The following ZNF184 variants were observed in gnomAD, a reference collection of about 807,000 sequenced individuals.
ZNF184 encodes the protein zinc finger protein 184 (Kruppel-like).
In ZNF184, 16 loss-of-function variants were observed where a neutral mutation model predicts 54.4. That is an observed-to-expected ratio of 0.29 (90% CI 0.20 to 0.45). The LOEUF (loss-of-function observed/expected upper bound fraction) is 0.45, where lower values mean the gene tolerates loss of function less well. Ranked by LOEUF, ZNF184 falls within the 20% of genes least tolerant of loss-of-function variation. The probability of loss-of-function intolerance (pLI) is 1.00; values close to 1 mark genes in which losing one functional copy is unlikely to be tolerated. For missense variants in ZNF184, 681 were observed against 888.2 expected, an observed-to-expected ratio of 0.77 and a Z score of 2.97; for synonymous variants, 254 against 295.3, an observed-to-expected ratio of 0.86 and a Z score of 1.43.
rs779315009 is a variant in ZNF184 at position 27,453,788 on chromosome 6, C to T, written c.299-528G>A. ...AAATAATTTAGCAGGGAGAAACTAA[C>T]AAGTTCAAGTCTAGGCATTTTGAGA... On this transcript the variant is annotated intron_variant, in intron 5 of 5. Transcript: ENST00000683788. This position sits in a 1 kb window ranked among gnomAD's most constrained non-coding sequence, Gnocchi z 4.7. 6.6e-5 allele frequency among the ~76,000 whole-genome samples: 10 copies of T among 152,122 alleles called. No homozygotes were observed. The highest frequency in any genetic ancestry group is 2.1e-4 in the South Asian group (1 of 4,824).
chr6:27,466,781 A>T lies in ZNF184; in HGVS notation c.75+1072T>A, dbSNP rs111864156. ...TGGAACACGAATTAAGCAGGGGGGAAATTTTAAGAAGGAGGAGGGCTTGAG... is the reference window on the plus strand; with the variant it reads ...TGGAACACGAATTAAGCAGGGGGGATATTTTAAGAAGGAGGAGGGCTTGAG... On this transcript the variant is annotated intron_variant, in intron 3 of 5. Transcript: ENST00000683788. Among the ~76,000 whole-genome samples, 72 of 152,278 alleles carry T rather than the reference A, an allele frequency of 4.7e-4. 1 individual carries two copies. Among genetic ancestry groups the T allele is most frequent in the African/African-American group, 1.6e-3 (65 of 41,554 alleles).
chr6:27,456,150 C>T (rs1052621728), intron 5 of ZNF184, among the ~76,000 whole-genome samples: 2 of 151,570 alleles, frequency 1.3e-5, no homozygotes, highest in Admixed American at 6.6e-5. Context: ...TCCAGCTACT[C>T]GGGAGACTGA....
At chr6:27,437,077 A>G in the ZNF184 span, among the ~76,000 whole-genome samples, 2 of 152,230 alleles carry the variant, frequency 1.3e-5, no homozygotes, top group African/African-American at 4.8e-5. Flanking sequence ...GTCAATACTC[A>G]TAGTCAACTA....
the ZNF184 span, among the ~76,000 whole-genome samples, chr6:27,421,959 T>C: frequency 6.6e-6 from 1 of 151,596 alleles, no homozygotes; most frequent in Middle Eastern, 3.2e-3. Flanking sequence ...TGGTCCCAGC[T>C]ACTCAGGAAG....
intron 5 of ZNF184, 54 bp downstream of exon 5, chr6:27,456,750 TTCAGACATAAAATCCTCTCTTA>T: frequency 1.6e-6 from 2 of 1,271,194 alleles, no homozygotes; most frequent in Non-Finnish European, 2.3e-6. Context: ...ACATCTACAC[TTCAGACATAAAATCCTCTCTTA>T]TCAGGCTGAC....
intron 3 of ZNF184, among the ~76,000 whole-genome samples, chr6:27,465,560 A>C (rs1373328342): frequency 6.6e-6 from 1 of 151,566 alleles, no homozygotes; most frequent in African/African-American, 2.4e-5. Flanking sequence ...AAATATAAAG[A>C]TACAAATAAG....
At chr6:27,441,370 C>T in the ZNF184 span, among the ~76,000 whole-genome samples, 23 of 152,286 alleles carry the variant, frequency 1.5e-4, no homozygotes, top group African/African-American at 4.8e-4. Context: ...CCTATCACCA[C>T]GCCTGGCTAA....
Position 27,472,184 on chromosome 6 carries a change from C to G in ZNF184, c.7+104G>C. ...TTTGCTAATCCCTAAGCATACCGTTCCTTCCTTCCAAATCTCCTGCTCTGA... is the reference window on the plus strand; with the variant it reads ...TTTGCTAATCCCTAAGCATACCGTTGCTTCCTTCCAAATCTCCTGCTCTGA... On this transcript the variant is annotated intron_variant, in intron 2 of 5. Transcript: ENST00000683788. This position sits in a 1 kb window ranked among gnomAD's most constrained non-coding sequence, Gnocchi z 4.8. The G allele has an allele frequency of 7.5e-6, 11 of 1,466,622 alleles. No homozygotes were observed. Among genetic ancestry groups the G allele is most frequent in the Non-Finnish European group, 1.0e-5 (11 of 1,061,908 alleles). 90.9% of individuals were successfully genotyped at this position (1,466,622 alleles called of 1,614,324 possible).
intron 3 of ZNF184, among the ~76,000 whole-genome samples, chr6:27,463,476 G>A (rs1240185702): frequency 6.6e-6 from 1 of 152,004 alleles, no homozygotes. Context: ...GCCTTGGGGA[G>A]CTCTAGGAGA....
the ZNF184 span, among the ~76,000 whole-genome samples, chr6:27,419,062 G>A: frequency 6.6e-6 from 1 of 151,080 alleles, no homozygotes; most frequent in African/African-American, 2.4e-5. This position sits in a 1 kb window ranked among gnomAD's most constrained non-coding sequence, Gnocchi z 4.8. Context: ...CTATATTCAC[G>A]GCTAATTTTT....
chr6:27,424,633 A>G, the ZNF184 span, among the ~76,000 whole-genome samples: 1 of 152,168 alleles, frequency 6.6e-6, no homozygotes, highest in Non-Finnish European at 1.5e-5. Context: ...TGAGCTAGAC[A>G]CAGGGTGCTG....
downstream of ZNF184, among the ~76,000 whole-genome samples, chr6:27,446,721 C>T (rs79225736): frequency 0.017 from 2,553 of 152,256 alleles, 52 homozygotes; most frequent in African/African-American, 0.052. Context: ...ACTACAGATA[C>T]GAGACTCCAA....
chr6:27,452,422 T>C lies in ZNF184; in HGVS notation c.1137A>G (p.Gln379=), dbSNP rs772947542. The C allele has an allele frequency of 1.1e-5, 18 of 1,613,824 alleles. No individual in the cohort carries two copies. In the South Asian group the frequency reaches 1.8e-4, roughly 16 times the overall value. Residue 379 remains glutamine, a synonymous_variant, in exon 6 of 6, where the codon CAA becomes CAG. Coordinates refer to ENST00000683788, the MANE Select transcript of ZNF184 (RefSeq NM_001318891.2). This position sits in a 1 kb window ranked among gnomAD's most constrained non-coding sequence, Gnocchi z 5.5. The part of the protein sequence containing the change: ...KTFTRSTHLT[Q]HQKIHTGEKT... Reference sequence around the variant, plus strand: ...TTTCTCCAGTATGAATTTTTTGATGTTGAGTAAGGTGTGTGCTCCTGGTGA... The same window carrying C: ...TTTCTCCAGTATGAATTTTTTGATGCTGAGTAAGGTGTGTGCTCCTGGTGA...
the ZNF184 span, among the ~76,000 whole-genome samples, chr6:27,437,177 A>T: frequency 6.6e-6 from 1 of 152,226 alleles, no homozygotes; most frequent in Non-Finnish European, 1.5e-5. Flanking sequence ...ATGGCAAAAT[A>T]AATTTTGTAG....
chr6:27,424,381 T>G, the ZNF184 span, among the ~76,000 whole-genome samples: 2 of 152,206 alleles, frequency 1.3e-5, no homozygotes, highest in Non-Finnish European at 2.9e-5. Flanking sequence ...GAGTTGCCAC[T>G]GCTGGCCCCG....
the ZNF184 span, among the ~76,000 whole-genome samples, chr6:27,420,554 C>T: frequency 5.9e-5 from 9 of 152,282 alleles, no homozygotes; most frequent in South Asian, 1.9e-3. Context: ...TCCCGCCACA[C>T]CATATGTCCT....
chr6:27,404,050 T>TTG, the ZNF184 span: 46 of 152,272 alleles, frequency 3.0e-4, no homozygotes, highest in African/African-American at 1.1e-3. Flanking sequence ...TATAACTCCA[T>TTG]TGTGTGTAAA....
the ZNF184 span, chr6:27,406,901 A>ACT: frequency 0.62 from 93,971 of 151,962 alleles, 29,553 homozygotes; most frequent in Middle Eastern, 0.78. Context: ...CATCCATCTG[A>ACT]CTGGCGGTAA....
chr6:27,407,503 G>A, the ZNF184 span, among the ~76,000 whole-genome samples: 388 of 152,278 alleles, frequency 2.5e-3, 10 homozygotes, highest in South Asian at 0.05. Context: ...GGGCAGCAGC[G>A]CCTGCACAAG....
Sources: gnomAD v4.1 joint callset for allele counts (sites outside exome capture counted in the v4.1 genomes callset) on GRCh38, gnomAD v4.1.1 for gene constraint, Gnocchi (gnomAD v3.1) non-coding constraint, MANE v1.5 for transcripts, NCBI Gene and HGNC (gene_info 2026-07-23, HGNC 2026-07-21) for gene names.